TAF1D: variants seen among roughly 807,000 people sequenced by gnomAD.
The protein encoded by TAF1D is TATA box-binding protein-associated factor RNA polymerase I subunit D.
A neutral mutation model predicts 26.2 loss-of-function variants in TAF1D; 23 were observed. That is an observed-to-expected ratio of 0.88 (90% CI 0.63 to 1.25). The LOEUF is 1.25. TAF1D is among the 50% of genes most tolerant of loss of function. The pLI is 0.00. For synonymous variants in TAF1D, 100 were observed against 105.6 expected (o/e 0.95, Z 0.33); for missense variants, 299 against 322.0 (o/e 0.93, Z 0.55).
chr11:93,733,082 C>T, downstream of TAF1D: 2 of 341,462 alleles, frequency 5.9e-6, no homozygotes, highest in Middle Eastern at 1.0e-3. Flanking sequence ...AAATATTTTA[C>T]TTACCTCTCA....
chr11:93,735,255 T>C (rs570864365), downstream of TAF1D: 1 of 1,337,396 alleles, frequency 7.5e-7, no homozygotes, highest in African/African-American at 1.5e-5. Flanking sequence ...ATGCACTACA[T>C]AGCAGAGTAG....
In TAF1D at chr11:93,736,245, T is replaced by A. The variant is rs778900730; in HGVS notation, c.753A>T (p.Glu251Asp). 2 of 1,613,264 alleles carry A rather than the reference T, an allele frequency of 1.2e-6. No individual in the cohort carries two copies. Among genetic ancestry groups the A allele is most frequent in the Non-Finnish European group, 1.7e-6 (2 of 1,179,786 alleles). The change falls in exon 6 of 6, where the codon GAA becomes GAT. Residue 251 changes from glutamate to aspartate, a missense_variant. Glu to Asp is a conservative substitution (Grantham distance 45). Transcript: ENST00000448108. ...FPVRLSVYLEEEDITEEAALS... is the reference protein window; with the variant it reads ...FPVRLSVYLEDEDITEEAALS... ...AAGCAGCTTCTTCAGTAATATCCTC[T>A]TCTTCTAAGTATACACTCAGTCTTA...
At chr11:93,731,368 C>T (rs1190782432), downstream of TAF1D, 5 of 372,140 alleles carry the variant, frequency 1.3e-5, no homozygotes, top group Non-Finnish European at 2.6e-5. Context: ...GCTATTTAAA[C>T]TAATAGGTAT....
At position 93,739,241 on chromosome 11, in the gene TAF1D, G is replaced by A. The variant is rs948843593; in HGVS notation, c.64C>T (p.Arg22Ter). ...AACATGATTGAATCCACTCACCTTC[G>A]ATTTGCAAGTTCCACAGCATCAGAT... The part of the protein sequence containing the change: ...VTSDAVELAN[R>*]SDNSSDSSLF... The change falls in exon 2 of 6, where the codon CGA becomes TGA. Residue 22 changes from arginine (R) to a stop codon, truncating the protein, a stop_gained. Coordinates refer to ENST00000448108, the MANE Select transcript of TAF1D (RefSeq NM_024116.4). LOFTEE classifies it high-confidence loss of function. The A allele has an allele frequency of 1.2e-6, 2 of 1,610,386 alleles. No homozygotes were observed. The highest frequency in any genetic ancestry group is 2.2e-5 in the East Asian group (1 of 44,738).
At chr11:93,736,990 C>T (rs572289680) in intron 4 of TAF1D, 74 bp downstream of exon 4, 4 of 1,331,758 alleles carry the variant, frequency 3.0e-6, no homozygotes, top group South Asian at 3.2e-5. Context: ...ATATTAAAGG[C>T]AAAATATGAA....
downstream of TAF1D, chr11:93,732,096 C>A (rs148451551): frequency 6.9e-4 from 359 of 519,000 alleles, 5 homozygotes; most frequent in Middle Eastern, 9.5e-4. Flanking sequence ...TATTTTTGGA[C>A]ACCATGATCA....
downstream of TAF1D, chr11:93,735,094 A>G (rs971728363): frequency 2.3e-6 from 3 of 1,323,278 alleles, no homozygotes; most frequent in African/African-American, 4.5e-5. Flanking sequence ...CCATCAATCA[A>G]CTGTCTCAGG....
downstream of TAF1D, chr11:93,733,313 T>C (rs1156321176): frequency 1.9e-6 from 1 of 519,148 alleles, no homozygotes; most frequent in Admixed American, 1.9e-5. Context: ...TAATCATTAT[T>C]TCCCAAAAGA....
At position 93,737,686 on chromosome 11, in the gene TAF1D, G is replaced by A. The variant is rs140557073; in HGVS notation, c.459+423C>T. ...AAAAAGTCTACTCCTAAGTATTAGC[G>A]TATTTTTCAGATAATTGGCTTAGAA... On this transcript the variant is annotated intron_variant, in intron 3 of 5. Transcript: ENST00000448108. Among the ~76,000 whole-genome samples the A allele has an allele frequency of 1.5e-3, 229 of 152,234 alleles. 1 individual carries two copies. The highest frequency in any genetic ancestry group is 5.2e-3 in the African/African-American group (214 of 41,542).
Position 93,736,074 on chromosome 11 carries a change from G to A in TAF1D, c.*87C>T, listed in dbSNP as rs1179347920. The stretch of plus-strand genomic sequence containing the variant: ...GGGTTTCAGAATTTCTTCACCACCA[G>A]ACTGGTACATATATCCACATTTATC... On this transcript the variant is annotated 3_prime_UTR_variant, in exon 6 of 6. Transcript: ENST00000448108. 21 of 1,567,250 alleles carry A rather than the reference G, an allele frequency of 1.3e-5. No homozygotes were observed. The highest frequency in any genetic ancestry group is 1.7e-5 in the Non-Finnish European group (20 of 1,165,010).
chr11:93,732,173 A>G (rs775583908), downstream of TAF1D: 2 of 509,852 alleles, frequency 3.9e-6, no homozygotes, highest in Admixed American at 4.0e-5. Flanking sequence ...ATTTGTACGA[A>G]GTTCTTGTTA....
intron 3 of TAF1D, 92 bp downstream of exon 3, chr11:93,738,017 C>T: frequency 7.0e-7 from 1 of 1,422,882 alleles, no homozygotes; most frequent in Non-Finnish European, 9.3e-7. Context: ...ACAGTCTGTT[C>T]CCAGTATATC....
At position 93,738,365 on chromosome 11, in the gene TAF1D, G is replaced by A. The variant is rs768692948; in HGVS notation, c.203C>T (p.Ser68Leu). 9.3e-6 allele frequency: 15 copies of A among 1,613,790 alleles called. No homozygotes were observed. The Admixed American group carries it at 1.3e-4, about 14-fold the overall frequency. ...AGTCAATGGTATTGGTTCAAAAGAT[G>A]AGTCACTTGATGAATCACTTGCGTG... Reference protein sequence around the residue: ...SVHASDSSSDSSFEPIPLTIK... With the variant: ...SVHASDSSSDLSFEPIPLTIK... Residue 68 changes from serine to leucine, a missense_variant, in exon 3 of 6, where the codon TCA (serine) becomes TTA (leucine). Physicochemically the swap from Ser to Leu is moderately radical, Grantham distance 145. Transcript: ENST00000448108.
In TAF1D at chr11:93,738,402, G is replaced by A. The variant is rs764603250; in HGVS notation, c.166C>T (p.Pro56Ser). 14 of 1,613,578 alleles carry A rather than the reference G, an allele frequency of 8.7e-6. No individual in the cohort carries two copies. Among genetic ancestry groups the A allele is most frequent in the Non-Finnish European group, 1.2e-5 (14 of 1,179,950 alleles). ...RNPIRKFVRTPESVHASDSSS... is the reference protein window; with the variant it reads ...RNPIRKFVRTSESVHASDSSS... ...GAATCACTTGCGTGAACACTTTCAG[G>A]TGTACGAACAAATTTTCGAATGGGG... The change falls in exon 3 of 6, where the codon CCT becomes TCT. Residue 56 changes from proline (P) to serine (S), a missense_variant. Pro to Ser is a moderately conservative substitution (Grantham distance 74). Transcript: ENST00000448108.
At chr11:93,738,968 G>A (rs1941285661) in intron 2 of TAF1D, 4 of 473,712 alleles carry the variant, frequency 8.4e-6, no homozygotes, top group African/African-American at 2.0e-5. Context: ...ACAGCCTACC[G>A]AACCGGAGGA....
downstream of TAF1D, chr11:93,732,676 A>T (rs1448818738): frequency 7.0e-6 from 2 of 286,030 alleles, no homozygotes; most frequent in Non-Finnish European, 1.4e-5. Context: ...GTCTTTGCCT[A>T]ATCTTTGCCC....
At chr11:93,731,194 C>A (rs763159057), downstream of TAF1D, 2 of 423,792 alleles carry the variant, frequency 4.7e-6, no homozygotes, top group African/African-American at 4.1e-5. Context: ...TATGGATATA[C>A]TGATGAAGAC....
intron 2 of TAF1D, 149 bp downstream of exon 2, chr11:93,739,088 A>G: frequency 1.7e-6 from 1 of 599,296 alleles, no homozygotes; most frequent in East Asian, 2.9e-5. Flanking sequence ...ATGCTATTAT[A>G]TCAATCTATG....
chr11:93,738,085 C>T (rs755412396), intron 3 of TAF1D, 24 bp downstream of exon 3: 2 of 1,528,350 alleles, frequency 1.3e-6, no homozygotes, highest in Admixed American at 4.7e-5. Context: ...TATGTGTAGC[C>T]ATGTATGTAA....
Sources: gnomAD v4.1 joint callset for allele counts (sites outside exome capture counted in the v4.1 genomes callset) on GRCh38, gnomAD v4.1.1 for gene constraint, MANE v1.5 for transcripts, NCBI Gene and HGNC (gene_info 2026-07-23, HGNC 2026-07-21) for gene names.